MTG1: variants seen among roughly 807,000 people sequenced by gnomAD.
MTG1 encodes the protein mitochondrial ribosome associated GTPase 1, also known as mitochondrial ribosome-associated GTPase 1.
Under a neutral mutation model 39.5 loss-of-function variants are expected in MTG1, and 30 were observed. The ratio of observed to expected loss-of-function variants is 0.76; its 90% CI spans 0.57 to 1.03. The LOEUF is 1.03. MTG1 is among the 50% of genes least tolerant of loss of function. MTG1 has a pLI of 0.00. For missense variants in MTG1, 513 were observed against 447.4 expected, an observed-to-expected ratio of 1.15 and a Z score of -1.32; for synonymous variants, 217 against 179.0, an observed-to-expected ratio of 1.21 and a Z score of -1.69.
chr10:133,398,245 C>G (rs960832639), intron 3 of MTG1, among the ~76,000 whole-genome samples, 190 bp from the exon 4 acceptor site: 13 of 152,114 alleles, frequency 8.5e-5, no homozygotes, highest in African/African-American at 2.7e-4. Flanking sequence ...CCAGTGAATT[C>G]AAAAATTATC....
intron 10 of MTG1, 63 bp from the exon 11 acceptor site, chr10:133,419,963 G>C (rs554748290): frequency 1.0e-5 from 16 of 1,537,370 alleles, no homozygotes; most frequent in Non-Finnish European, 1.4e-5. Flanking sequence ...CCCTCAGGTG[G>C]GTAAGGGCTG....
chr10:133,415,037 G>A (rs1207053296), intron 9 of MTG1, among the ~76,000 whole-genome samples: 7 of 152,170 alleles, frequency 4.6e-5, no homozygotes, highest in Admixed American at 1.3e-4. Flanking sequence ...GTGGTGGCGC[G>A]CGCCTGCAAT....
intron 2 of MTG1, 106 bp from the exon 3 acceptor site, chr10:133,396,057 C>G: frequency 2.8e-6 from 3 of 1,076,514 alleles, no homozygotes; most frequent in Non-Finnish European, 4.3e-6. Flanking sequence ...TTCTCCTGTA[C>G]TTGAGGAATG....
chr10:133,415,141 C>CAGAGGGAGACCGTGGAAAGAGAGGG (rs1391943346), intron 9 of MTG1, among the ~76,000 whole-genome samples: 4 of 151,312 alleles, frequency 2.6e-5, no homozygotes, highest in Non-Finnish European at 5.9e-5. Context: ...GGCTCGGCAT[C>CAGAGGGAGACCGTGGAAAGAGAGGG]AGAGGGAGAC....
chr10:133,404,719 G>A (rs1849944600), intron 9 of MTG1, among the ~76,000 whole-genome samples: 1 of 152,138 alleles, frequency 6.6e-6, no homozygotes, highest in Non-Finnish European at 1.5e-5. Flanking sequence ...TTTGGTATAT[G>A]GTACAAGCTG....
Position 133,398,446 on chromosome 10 carries a change from A to T in MTG1, c.294A>T (p.Gln98His). 1.2e-6 allele frequency: 2 copies of T among 1,612,224 alleles called. No homozygotes were observed. The highest frequency in any genetic ancestry group is 3.4e-5 in the Admixed American group (2 of 59,428). The change falls in exon 4 of 11, where the codon CAA becomes CAT. Residue 98 changes from glutamine (Q) to histidine (H), a missense_variant. By Grantham distance (24) the Gln-to-His change is conservative (BLOSUM62 0). Transcript: ENST00000317502. ...TTTGTGTCTTTCAGAAAATTATGCA[A>T]CACTTAGAAGGAGAAGGCCTAAAAA... ...ADLTEQQKIMQHLEGEGLKNV... is the reference protein window; with the variant it reads ...ADLTEQQKIMHHLEGEGLKNV...
chr10:133,394,674 A>G (rs1050665053), intron 1 of MTG1: 2 of 1,145,752 alleles, frequency 1.7e-6, no homozygotes, highest in Non-Finnish European at 2.2e-6. Context: ...CCGTTTCCAC[A>G]TGTTCTTGAC....
chr10:133,399,036 G>A, intron 4 of MTG1, 134 bp from the exon 5 acceptor site: 1 of 961,312 alleles, frequency 1.0e-6, no homozygotes, highest in Admixed American at 2.0e-5. Flanking sequence ...CAGATAGGAG[G>A]TTTCTGTTTT....
intron 7 of MTG1, chr10:133,401,926 A>G: frequency 1.6e-6 from 1 of 608,502 alleles, no homozygotes; most frequent in Non-Finnish European, 2.9e-6. Context: ...GGAGCAGAAG[A>G]CAAGCTGTTG....
At chr10:133,411,783 T>C (rs950901013) in intron 9 of MTG1, among the ~76,000 whole-genome samples, 1 of 152,132 alleles carries the variant, frequency 6.6e-6, no homozygotes, top group Non-Finnish European at 1.5e-5. Flanking sequence ...CCAGGATTTC[T>C]GTTTGATTTT....
Position 133,398,458 on chromosome 10 carries a change from A to C in MTG1, c.306A>C (p.Gly102=), listed in dbSNP as rs371859344. ...AGAAAATTATGCAACACTTAGAAGGAGAAGGCCTAAAAAATGTCATTTTTA... is the reference window on the plus strand; with the variant it reads ...AGAAAATTATGCAACACTTAGAAGGCGAAGGCCTAAAAAATGTCATTTTTA... ...EQQKIMQHLE[G]EGLKNVIFTN... Residue 102 remains glycine, a synonymous_variant, in exon 4 of 11, where the codon GGA becomes GGC. Coordinates refer to ENST00000317502, the MANE Select transcript of MTG1 (RefSeq NM_138384.4). The C allele has an allele frequency of 1.1e-5, 17 of 1,613,074 alleles. No individual in the cohort carries two copies. The African/African-American group carries it at 2.0e-4, about 19-fold the overall frequency.
chr10:133,398,544 C>T (rs189780238), intron 4 of MTG1, 29 bp downstream of exon 4: 122 of 1,595,078 alleles, frequency 7.6e-5, no homozygotes, highest in Middle Eastern at 5.0e-4. Context: ...CTCTCTCTGA[C>T]GCTTCTGCTT....
chr10:133,401,459 G>C (rs184872863), intron 6 of MTG1, 70 bp from the exon 7 acceptor site: 116 of 1,347,236 alleles, frequency 8.6e-5, no homozygotes, highest in African/African-American at 7.0e-4. Flanking sequence ...TGTTACATAC[G>C]TCTCCCTACT....
Position 133,402,380 on chromosome 10 carries a change from C to T in MTG1, c.670+135C>T, listed in dbSNP as rs376588995. ...GACCTGGTTGCTGCCAGACCTTCCT[C>T]GAAGCTTAGTGTGAGAGCTGTAATA... On this transcript the variant is annotated intron_variant, in intron 8 of 10. Coordinates refer to ENST00000317502, the MANE Select transcript of MTG1 (RefSeq NM_138384.4). This position sits in a 1 kb window ranked among gnomAD's most constrained non-coding sequence, Gnocchi z 4.7. 8.7e-5 allele frequency: 89 copies of T among 1,026,970 alleles called. 1 individual carries two copies. Among genetic ancestry groups the T allele is most frequent in the East Asian group, 4.2e-4 (17 of 40,136 alleles). The allele number at this position is 1,026,970 out of a possible 1,614,324, so 63.6% of individuals were successfully genotyped here. A position where few individuals can be genotyped will look rare whatever the true frequency, so the allele number is the denominator to read the frequency against.
intron 9 of MTG1, among the ~76,000 whole-genome samples, chr10:133,411,491 G>A (rs1294125456): frequency 6.6e-6 from 1 of 151,968 alleles, no homozygotes; most frequent in Non-Finnish European, 1.5e-5. Flanking sequence ...TCTTTCTGAG[G>A]GTTTGAAAAT....
At position 133,395,164 on chromosome 10, in the gene MTG1, G is replaced by A. The variant is rs185622833; in HGVS notation, c.113-549G>A. Among the ~76,000 whole-genome samples, 122 of 152,316 alleles carry A rather than the reference G, an allele frequency of 8.0e-4. 2 individuals carry two copies. The highest frequency in any genetic ancestry group is 6.9e-3 in the Admixed American group (106 of 15,296). On this transcript the variant is annotated intron_variant, in intron 1 of 10. Transcript: ENST00000317502. Reference sequence around the variant, plus strand: ...TAATCCCAGTACTTTGGGAGGCCGAGGTGGGCAGATCACGAGGTCAGGACA... The same window carrying A: ...TAATCCCAGTACTTTGGGAGGCCGAAGTGGGCAGATCACGAGGTCAGGACA...
Position 133,394,281 on chromosome 10 carries a change from C to A in MTG1, c.61C>A (p.Pro21Thr). 1 of 1,517,624 alleles carries A rather than the reference C, an allele frequency of 6.6e-7. No homozygotes were observed. The highest frequency in any genetic ancestry group is 8.8e-7 in the Non-Finnish European group (1 of 1,137,118). 94.0% of individuals were successfully genotyped at this position (1,517,624 alleles called of 1,614,324 possible). Residue 21 changes from proline (P) to threonine (T), a missense_variant, in exon 1 of 11, where the codon CCC (proline) becomes ACC (threonine). Physicochemically the swap from Pro to Thr is conservative, Grantham distance 38. Coordinates refer to ENST00000317502, the MANE Select transcript of MTG1 (RefSeq NM_138384.4). ...AAQAAWRENFPLCGRDVARWF... is the reference protein window; with the variant it reads ...AAQAAWRENFTLCGRDVARWF... ...CCAGGCCGCCTGGCGGGAGAACTTC[C>A]CCCTGTGCGGTCGCGACGTGGCGCG...
rs117025275 is a variant in MTG1 at position 133,394,643 on chromosome 10, C to T, written c.112+311C>T. 11,692 of 1,219,160 alleles carry T rather than the reference C, an allele frequency of 9.6e-3. 85 individuals are homozygous for T. Among genetic ancestry groups the T allele is most frequent in the Middle Eastern group, 0.037 (113 of 3,046 alleles). 75.5% of individuals were successfully genotyped at this position (1,219,160 alleles called of 1,614,324 possible). On this transcript the variant is annotated intron_variant, in intron 1 of 10. Transcript: ENST00000317502. ...TCTGTTCCCAGCAAGTTCCTTCTGC[C>T]CTTTTAATCCCCCGAAGCCTCCGTT...
In MTG1 at chr10:133,398,526, C is replaced by T. The variant is rs768515273; in HGVS notation, c.363+11C>T. 1 of 1,611,686 alleles carries T rather than the reference C, an allele frequency of 6.2e-7. No individual in the cohort carries two copies. The highest frequency in any genetic ancestry group is 8.5e-7 in the Non-Finnish European group (1 of 1,179,288). ...GAAAATGTCAAGCAGGTAGGCTTTT[C>T]GTCTGTGCTCTCTCTGACGCTTCTG... On this transcript the variant is annotated intron_variant, in intron 4 of 10. Transcript: ENST00000317502.
Sources: allele counts gnomAD v4.1 joint callset (sites outside exome capture counted in the v4.1 genomes callset), GRCh38; gene constraint gnomAD v4.1.1; non-coding constraint Gnocchi (gnomAD v3.1); transcripts MANE v1.5; gene names NCBI Gene and HGNC (gene_info 2026-07-23, HGNC 2026-07-21).